The following PITPNM2 variants were observed in gnomAD, a reference collection of about 807,000 sequenced individuals.
PITPNM2 encodes membrane-associated phosphatidylinositol transfer protein 2.
PITPNM2 carries 35 observed loss-of-function variants against 132.2 expected under a neutral mutation model. That is an observed-to-expected ratio of 0.26 (90% CI 0.20 to 0.35). PITPNM2 has a LOEUF of 0.35. Ranked by LOEUF, PITPNM2 falls within the 10% of genes least tolerant of loss-of-function variation. PITPNM2 has a pLI of 1.00. For missense variants in PITPNM2, 1,332 were observed against 1,912.0 expected (o/e 0.70, Z 5.66); for synonymous variants, 738 against 799.2 (o/e 0.92, Z 1.29).
At chr12:123,024,071 T>G (rs750828517) in intron 3 of PITPNM2, among the ~76,000 whole-genome samples, 6 of 152,066 alleles carry the variant, frequency 3.9e-5, no homozygotes, top group Non-Finnish European at 7.4e-5. Context: ...CTGAGCGACA[T>G]AGCAAGACCC....
Position 122,992,732 on chromosome 12 carries a change from G to T in PITPNM2, c.2234-63C>A. 2.3e-6 allele frequency: 3 copies of T among 1,280,702 alleles called. No homozygotes were observed. The highest frequency in any genetic ancestry group is 3.2e-6 in the Non-Finnish European group (3 of 930,384). 79.3% of individuals were successfully genotyped at this position (1,280,702 alleles called of 1,614,324 possible). A position where few individuals can be genotyped will look rare whatever the true frequency, so the allele number is the denominator to read the frequency against. ...CCCTGAGGAGCAGTGGTGGGGGTGG[G>T]AAATTTGGGAACTGGGCACTGGGTT... On this transcript the variant is annotated intron_variant, in intron 15 of 25. Transcript: ENST00000320201. This position sits in a 1 kb window ranked among gnomAD's most constrained non-coding sequence, Gnocchi z 6.5.
Position 123,035,587 on chromosome 12 carries a change from A to C in PITPNM2, c.-95-902T>G, listed in dbSNP as rs1262087594. On this transcript the variant is annotated intron_variant, in intron 2 of 25. Transcript: ENST00000320201. ...AGGCTGAGGCAGGAGAATCGCTTGA[A>C]CCCAGGAGGCGGAGGTTGCAGTGAG... 2.0e-5 allele frequency among the ~76,000 whole-genome samples: 3 copies of C among 151,462 alleles called. No individual in the cohort carries two copies. The East Asian group carries it at 5.8e-4, about 29-fold the overall frequency.
chr12:123,016,003 T>C (rs984566673), intron 3 of PITPNM2, among the ~76,000 whole-genome samples: 3 of 152,126 alleles, frequency 2.0e-5, no homozygotes, highest in African/African-American at 7.2e-5. Flanking sequence ...ATGTTCAACA[T>C]CACTATTCAT....
At chr12:123,055,240 G>A (rs908524831) in intron 2 of PITPNM2, among the ~76,000 whole-genome samples, 6 of 152,184 alleles carry the variant, frequency 3.9e-5, no homozygotes, top group Non-Finnish European at 5.9e-5. Flanking sequence ...GGAGAAAGAC[G>A]CTGCAGCTGG....
intron 2 of PITPNM2, among the ~76,000 whole-genome samples, chr12:123,107,937 G>GA (rs1457063934): frequency 1.3e-5 from 2 of 152,196 alleles, no homozygotes; most frequent in African/African-American, 4.8e-5. Flanking sequence ...AGTATGCCGT[G>GA]ACAGCACAGA....
At chr12:123,024,601 G>A (rs935023693) in intron 3 of PITPNM2, among the ~76,000 whole-genome samples, 4 of 152,142 alleles carry the variant, frequency 2.6e-5, no homozygotes, top group African/African-American at 7.2e-5. Flanking sequence ...AAAAAGTAAC[G>A]GAGCACTGGC....
chr12:123,129,729 G>A (rs2043221780), intron 1 of PITPNM2, among the ~76,000 whole-genome samples: 1 of 151,940 alleles, frequency 6.6e-6, no homozygotes, highest in Non-Finnish European at 1.5e-5. Flanking sequence ...CCAGCATAAT[G>A]AGTCCTGTGC....
In PITPNM2 at chr12:123,078,495, G is replaced by A. The variant is rs1458490657; in HGVS notation, c.-96+31890C>T. Among the ~76,000 whole-genome samples the A allele has an allele frequency of 6.6e-6, 1 of 152,226 alleles. No homozygotes were observed. Among genetic ancestry groups the A allele is most frequent in the East Asian group, 1.9e-4 (1 of 5,194 alleles). ...GCCAGAGCCTGAAGTCGGGACCCCAGAGACTAAAGTGACCCTCTCCCCGGG... is the reference window on the plus strand; with the variant it reads ...GCCAGAGCCTGAAGTCGGGACCCCAAAGACTAAAGTGACCCTCTCCCCGGG... On this transcript the variant is annotated intron_variant, in intron 2 of 25. Transcript: ENST00000320201. The surrounding 1 kb of genome is among the most constrained non-coding windows in gnomAD (Gnocchi z 7.3).
intron 3 of PITPNM2, among the ~76,000 whole-genome samples, chr12:123,025,426 A>G (rs1471159820): frequency 6.8e-6 from 1 of 147,404 alleles, no homozygotes; most frequent in Non-Finnish European, 1.5e-5. Context: ...TGGAATGTGG[A>G]CCAGATTTTT....
Position 122,998,930 on chromosome 12 carries a change from T to G in PITPNM2, c.1225-1358A>C, listed in dbSNP as rs191429598. ...GAGTTTGAGACCAGCCTGGCCAACA[T>G]AGCAAAACCGTCTCTACCAAAAATA... On this transcript the variant is annotated intron_variant, in intron 10 of 25. Transcript: ENST00000320201. Among the ~76,000 whole-genome samples the G allele has an allele frequency of 1.4e-4, 22 of 152,124 alleles. No individual in the cohort carries two copies. The East Asian group carries it at 3.9e-3, about 27-fold the overall frequency.
At chr12:123,051,449 T>C (rs1377965674) in intron 2 of PITPNM2, among the ~76,000 whole-genome samples, 2 of 152,280 alleles carry the variant, frequency 1.3e-5, no homozygotes, top group South Asian at 4.1e-4. Flanking sequence ...TGTTGTATTC[T>C]GGATTTCTCC....
intron 1 of PITPNM2, among the ~76,000 whole-genome samples, chr12:123,131,844 G>A (rs1425513040): frequency 6.6e-6 from 1 of 152,226 alleles, no homozygotes; most frequent in Non-Finnish European, 1.5e-5. Flanking sequence ...GTCAAGCTCT[G>A]GGAGGTGCCA....
At chr12:123,043,078 T>C (rs1189010929) in intron 2 of PITPNM2, among the ~76,000 whole-genome samples, 1 of 152,056 alleles carries the variant, frequency 6.6e-6, no homozygotes, top group African/African-American at 2.4e-5. Flanking sequence ...CTTTATGTGT[T>C]AGACACTGGG....
At position 122,990,721 on chromosome 12, in the gene PITPNM2, C is replaced by A; in HGVS notation, c.2405-12G>T. The stretch of plus-strand genomic sequence containing the variant: ...CTGGAGCACATCCGCTGCAGGTGGA[C>A]AGGGACCAGAGGCCAGGTAAGAGAG... On this transcript the variant is annotated splice_polypyrimidine_tract_variant and intron_variant, in intron 16 of 25. Transcript: ENST00000320201. 6.3e-7 allele frequency: 1 copy of A among 1,589,388 alleles called. No individual in the cohort carries two copies. The highest frequency in any genetic ancestry group is 1.7e-5 in the Admixed American group (1 of 58,830).
intron 2 of PITPNM2, among the ~76,000 whole-genome samples, chr12:123,040,437 C>G (rs2040424530): frequency 6.6e-6 from 1 of 151,990 alleles, no homozygotes; most frequent in African/African-American, 2.4e-5. Context: ...TATACCAAAA[C>G]CATTTAATCG....
At chr12:123,070,079 A>G (rs2041578654) in intron 2 of PITPNM2, among the ~76,000 whole-genome samples, 2 of 152,208 alleles carry the variant, frequency 1.3e-5, no homozygotes, top group Admixed American at 6.5e-5. Flanking sequence ...GTCTGCTGAT[A>G]AGATACAGCC....
chr12:123,038,339 G>A (rs10848363), intron 2 of PITPNM2, among the ~76,000 whole-genome samples: 1,751 of 152,326 alleles, frequency 0.011, 35 homozygotes, highest in South Asian at 0.057. Flanking sequence ...AGAATGTGAC[G>A]GGAGGTGACA....
At chr12:123,037,265 A>G (rs2040303127) in intron 2 of PITPNM2, among the ~76,000 whole-genome samples, 1 of 152,244 alleles carries the variant, frequency 6.6e-6, no homozygotes, top group Non-Finnish European at 1.5e-5. Context: ...AGAAACTTAC[A>G]TACATAAAGG....
intron 1 of PITPNM2, among the ~76,000 whole-genome samples, chr12:123,123,901 A>T (rs988832407): frequency 6.8e-6 from 1 of 147,948 alleles, no homozygotes; most frequent in East Asian, 2.0e-4. Flanking sequence ...GCACCACCGC[A>T]CTCTACCCTG....
Sources: gnomAD v4.1 joint callset for allele counts (sites outside exome capture counted in the v4.1 genomes callset) on GRCh38, gnomAD v4.1.1 for gene constraint, Gnocchi (gnomAD v3.1) non-coding constraint, MANE v1.5 for transcripts, NCBI Gene and HGNC (gene_info 2026-07-23, HGNC 2026-07-21) for gene names.